PTPRD: variants seen among roughly 807,000 people sequenced by gnomAD.
PTPRD encodes the protein protein tyrosine phosphatase receptor type D, also known as receptor-type tyrosine-protein phosphatase delta.
A neutral mutation model predicts 214.5 loss-of-function variants in PTPRD; 34 were observed. The ratio of observed to expected loss-of-function variants is 0.16; its 90% CI spans 0.12 to 0.21. PTPRD has a LOEUF of 0.21. Ranked by LOEUF, PTPRD falls within the 10% of genes least tolerant of loss-of-function variation. The pLI, the probability that PTPRD is intolerant of heterozygous loss-of-function variation, is 1.00. For missense variants in PTPRD, 2,545 were observed against 2,398.7 expected (o/e 1.06, Z -1.27); for synonymous variants, 1,128 against 845.7 (o/e 1.33, Z -5.79).
At chr9:9,662,379 A>G (rs1049005589) in intron 7 of PTPRD, among the ~76,000 whole-genome samples, 10 of 151,680 alleles carry the variant, frequency 6.6e-5, no homozygotes, top group Admixed American at 6.6e-5. Flanking sequence ...TGTAATCATG[A>G]TCATTTCATT....
intron 11 of PTPRD, among the ~76,000 whole-genome samples, chr9:9,003,417 A>G (rs2099432296): frequency 6.6e-6 from 1 of 152,116 alleles, no homozygotes; most frequent in East Asian, 1.9e-4. Context: ...AAATATGCCT[A>G]CTTGTGTTCT....
chr9:9,041,097 T>A lies in PTPRD; in HGVS notation c.-142-22362A>T, dbSNP rs141599006. On this transcript the variant is annotated intron_variant, in intron 10 of 45. Coordinates refer to ENST00000381196, the MANE Select transcript of PTPRD (RefSeq NM_002839.4). Reference sequence around the variant, plus strand: ...AAATGCTATGACTGTTTCATAAAAATATTTGCTGATGTATTATATTGTTAT... The same window carrying A: ...AAATGCTATGACTGTTTCATAAAAAAATTTGCTGATGTATTATATTGTTAT... 6.6e-3 allele frequency among the ~76,000 whole-genome samples: 1,011 copies of A among 152,292 alleles called. 9 individuals are homozygous for A. Among genetic ancestry groups the A allele is most frequent in the Non-Finnish European group, 0.011 (751 of 68,012 alleles).
intron 7 of PTPRD, among the ~76,000 whole-genome samples, chr9:9,618,071 C>CAAAAAAAAAAAAAAAAAAAAAAAAAAAAA (rs34125624): frequency 1.7e-4 from 4 of 23,024 alleles, no homozygotes; most frequent in Non-Finnish European, 3.1e-4. Flanking sequence ...GACTCCATCT[C>CAAAAAAAAAAAAAAAAAAAAAAAAAAAAA]AAAAAAAAAA....
chr9:8,947,029 C>CTTTTTTT (rs71317390), intron 11 of PTPRD, among the ~76,000 whole-genome samples: 1 of 121,006 alleles, frequency 8.3e-6, no homozygotes, highest in African/African-American at 3.1e-5. Flanking sequence ...TTTTTCTTTT[C>CTTTTTTT]TTTTTTTTTT....
intron 11 of PTPRD, among the ~76,000 whole-genome samples, chr9:8,996,290 A>G (rs1159137858): frequency 6.6e-6 from 1 of 152,130 alleles, no homozygotes; most frequent in Non-Finnish European, 1.5e-5. Flanking sequence ...GTTAAAAAAT[A>G]AAAACAAAAA....
At chr9:9,099,492 G>T (rs1395285817) in intron 10 of PTPRD, among the ~76,000 whole-genome samples, 1 of 152,074 alleles carries the variant, frequency 6.6e-6, no homozygotes, top group African/African-American at 2.4e-5. Flanking sequence ...TGCCTGCCTG[G>T]GTGTGTTGCA....
At chr9:9,267,224 G>A (rs974387689) in intron 9 of PTPRD, among the ~76,000 whole-genome samples, 9 of 151,162 alleles carry the variant, frequency 6.0e-5, no homozygotes, top group East Asian at 2.0e-4. Flanking sequence ...AATGAAAGAA[G>A]AGACATTACA....
At chr9:8,523,734 C>T (rs944693179) in intron 18 of PTPRD, among the ~76,000 whole-genome samples, 1 of 152,108 alleles carries the variant, frequency 6.6e-6, no homozygotes, top group African/African-American at 2.4e-5. Context: ...TAGCTAGCAT[C>T]ATTTTGAAAT....
chr9:9,699,881 G>T (rs1357302501), intron 7 of PTPRD, among the ~76,000 whole-genome samples: 1 of 152,142 alleles, frequency 6.6e-6, no homozygotes, highest in Non-Finnish European at 1.5e-5. Flanking sequence ...TTTAATCTAG[G>T]GTTGCAATGT....
intron 10 of PTPRD, among the ~76,000 whole-genome samples, chr9:9,022,508 C>G (rs1414097697): frequency 6.6e-6 from 1 of 152,138 alleles, no homozygotes; most frequent in Non-Finnish European, 1.5e-5. Context: ...CAGTAACATT[C>G]TGTACAGGTT....
intron 11 of PTPRD, among the ~76,000 whole-genome samples, chr9:8,760,172 C>T (rs971007256): frequency 1.3e-5 from 2 of 152,142 alleles, no homozygotes; most frequent in African/African-American, 4.8e-5. Flanking sequence ...CTCAGGTGAT[C>T]CACCCACTTC....
chr9:9,898,749 T>G (rs1212975479), intron 5 of PTPRD, among the ~76,000 whole-genome samples: 1 of 152,108 alleles, frequency 6.6e-6, no homozygotes, highest in Non-Finnish European at 1.5e-5. Context: ...TGCTGTAATA[T>G]ATTCCACTTG....
intron 11 of PTPRD, among the ~76,000 whole-genome samples, chr9:9,017,094 G>T (rs1001896439): frequency 6.6e-6 from 1 of 151,852 alleles, no homozygotes; most frequent in Non-Finnish European, 1.5e-5. Flanking sequence ...AAGACACTGC[G>T]ACTATTAGTA....
intron 15 of PTPRD, among the ~76,000 whole-genome samples, chr9:8,527,578 G>A (rs2074530159): frequency 6.6e-6 from 1 of 152,012 alleles, no homozygotes; most frequent in Non-Finnish European, 1.5e-5. Context: ...CACAGGACAG[G>A]TCAAAAGCTG....
intron 3 of PTPRD, among the ~76,000 whole-genome samples, chr9:10,209,605 T>C (rs2099505302): frequency 6.6e-6 from 1 of 152,140 alleles, no homozygotes; most frequent in Admixed American, 6.5e-5. Context: ...TTATAACTTT[T>C]CTACCTGACT....
At chr9:9,397,122 T>C (rs557806751) in intron 9 of PTPRD, among the ~76,000 whole-genome samples, 1 of 152,136 alleles carries the variant, frequency 6.6e-6, no homozygotes, top group South Asian at 2.1e-4. Flanking sequence ...GCTATCAATC[T>C]AAAAACTATA....
At chr9:10,110,231 T>C (rs2098678326) in intron 3 of PTPRD, among the ~76,000 whole-genome samples, 1 of 152,198 alleles carries the variant, frequency 6.6e-6, no homozygotes, top group Non-Finnish European at 1.5e-5. Context: ...AATTATGAAG[T>C]AGCTCCTACA....
intron 3 of PTPRD, among the ~76,000 whole-genome samples, chr9:10,281,599 T>C (rs1322057579): frequency 6.6e-6 from 1 of 152,232 alleles, no homozygotes; most frequent in Non-Finnish European, 1.5e-5. Flanking sequence ...GTAATCCCAA[T>C]TGAATTTTAG....
intron 11 of PTPRD, among the ~76,000 whole-genome samples, chr9:8,834,081 G>T (rs948653715): frequency 2.6e-5 from 4 of 151,892 alleles, no homozygotes; most frequent in Non-Finnish European, 5.9e-5. Context: ...TTTCCAGAAG[G>T]AATCCTGGTA....
Sources: allele counts gnomAD v4.1 joint callset (sites outside exome capture counted in the v4.1 genomes callset), GRCh38; gene constraint gnomAD v4.1.1; transcripts MANE v1.5; gene names NCBI Gene and HGNC (gene_info 2026-07-23, HGNC 2026-07-21).